Variants in PSTPIP2 observed in about 807,000 individuals in gnomAD.
PSTPIP2 encodes proline-serine-threonine phosphatase-interacting protein 2.
Under a neutral mutation model 63.3 loss-of-function variants are expected in PSTPIP2, and 33 were observed. The observed-to-expected ratio is 0.52, with a 90% CI of 0.40 to 0.70. PSTPIP2 has a LOEUF of 0.70. Among genes scored for constraint, PSTPIP2 ranks in the 30% least tolerant of loss-of-function variants. The probability of loss-of-function intolerance (pLI) is 0.00; values close to 1 mark genes in which losing one functional copy is unlikely to be tolerated. For missense variants in PSTPIP2, 312 were observed against 400.7 expected, an observed-to-expected ratio of 0.78 and a Z score of 1.89; for synonymous variants, 125 against 132.7, an observed-to-expected ratio of 0.94 and a Z score of 0.40.
intron 1 of PSTPIP2, among the ~76,000 whole-genome samples, chr18:46,052,957 A>G (rs967591030): frequency 2.0e-5 from 3 of 152,224 alleles, no homozygotes; most frequent in Non-Finnish European, 4.4e-5. Flanking sequence ...TACAAATGAA[A>G]AAACAAACAA....
intron 1 of PSTPIP2, among the ~76,000 whole-genome samples, chr18:46,050,369 C>T (rs1049422752): frequency 5.9e-5 from 9 of 151,884 alleles, no homozygotes; most frequent in Non-Finnish European, 1.0e-4. Context: ...CAGGAGTTCG[C>T]GACAAGCCTA....
At chr18:45,991,829 T>C (rs2051536864) in intron 12 of PSTPIP2, 73 bp downstream of exon 12, 3 of 1,380,956 alleles carry the variant, frequency 2.2e-6, no homozygotes, top group Non-Finnish European at 3.0e-6. Flanking sequence ...AATTCTAACA[T>C]GTCTTAGAAC....
chr18:45,986,727 G>A (rs1222378731), intron 14 of PSTPIP2, among the ~76,000 whole-genome samples: 2 of 152,144 alleles, frequency 1.3e-5, no homozygotes, highest in African/African-American at 2.4e-5. Flanking sequence ...AAAGAACAGG[G>A]TACTTTATGT....
rs1192259757 is a variant in PSTPIP2, at chr18:46,064,472, TTTTTTTA to T, written c.33+7677_33+7683del. Among the ~76,000 whole-genome samples, 3 of 145,708 alleles carry T rather than the reference TTTTTTTA, an allele frequency of 2.1e-5. No homozygotes were observed. In the Admixed American group the frequency reaches 2.1e-4, roughly 10 times the overall value. ...CACCTGGCTAATTTTTTTTTTTTTT[TTTTTTTA>T]AGTAAAGACGGGGTTTCACCATGTT... On this transcript the variant is annotated intron_variant, in intron 1 of 14. Coordinates refer to ENST00000409746, the MANE Select transcript of PSTPIP2 (RefSeq NM_024430.4).
intron 3 of PSTPIP2, among the ~76,000 whole-genome samples, chr18:46,016,989 T>C (rs2051858948): frequency 6.6e-6 from 1 of 152,336 alleles, no homozygotes; most frequent in East Asian, 1.9e-4. Flanking sequence ...ATATGTGCCA[T>C]ATTCTTTGCT....
chr18:46,008,975 C>T (rs2051762412), intron 5 of PSTPIP2, among the ~76,000 whole-genome samples: 1 of 152,118 alleles, frequency 6.6e-6, no homozygotes, highest in Non-Finnish European at 1.5e-5. Flanking sequence ...TCCCAAGCCT[C>T]CAGATGACAT....
chr18:46,045,525 G>A (rs1416190500), intron 1 of PSTPIP2, among the ~76,000 whole-genome samples: 4 of 152,080 alleles, frequency 2.6e-5, no homozygotes, highest in Admixed American at 1.3e-4. Flanking sequence ...GTAGGGGGAG[G>A]GGGAAGGGAT....
chr18:46,001,761 G>A (rs1837213), intron 6 of PSTPIP2, among the ~76,000 whole-genome samples: 16,876 of 151,336 alleles, frequency 0.11, 1,219 homozygotes, highest in East Asian at 0.38. Flanking sequence ...AAAAATTTTT[G>A]TGGGTACATA....
chr18:46,028,376 A>G lies in PSTPIP2; in HGVS notation c.135-3690T>C, dbSNP rs1249850892. The G allele has an allele frequency of 1.2e-5, 6 of 497,790 alleles. No homozygotes were observed. In the Admixed American group the frequency reaches 1.3e-4, roughly 11 times the overall value. The allele number at this position is 497,790 out of a possible 1,614,324, so 30.8% of individuals were successfully genotyped here. A position where few individuals can be genotyped will look rare whatever the true frequency, so the allele number is the denominator to read the frequency against. The stretch of plus-strand genomic sequence containing the variant: ...AAGGCTGCCGCTTCATCCCAGCGAA[A>G]ACCGCCGGCCAGGCCAAGCGCGGCG... On this transcript the variant is annotated intron_variant, in intron 2 of 14. Coordinates refer to ENST00000409746, the MANE Select transcript of PSTPIP2 (RefSeq NM_024430.4).
chr18:46,007,375 G>A (rs1352100522), intron 5 of PSTPIP2, among the ~76,000 whole-genome samples: 1 of 152,194 alleles, frequency 6.6e-6, no homozygotes, highest in Non-Finnish European at 1.5e-5. Context: ...CTGGCCATTC[G>A]CCTGCTAATG....
chr18:46,058,270 G>C (rs1908845316), intron 1 of PSTPIP2, among the ~76,000 whole-genome samples: 1 of 152,088 alleles, frequency 6.6e-6, no homozygotes, highest in South Asian at 2.1e-4. Context: ...GAAGGCTAAG[G>C]GAGGGATTTT....
intron 2 of PSTPIP2, among the ~76,000 whole-genome samples, chr18:46,038,413 G>A (rs1222668388): frequency 3.9e-5 from 6 of 152,152 alleles, no homozygotes; most frequent in African/African-American, 2.4e-5. Flanking sequence ...GGGGTCCTGA[G>A]CCGACAGACA....
chr18:45,990,666 G>A, intron 13 of PSTPIP2, 56 bp downstream of exon 13: 1 of 1,472,096 alleles, frequency 6.8e-7, no homozygotes, highest in Non-Finnish European at 9.4e-7. Flanking sequence ...CTGACCTCAA[G>A]TGATCTGCCT....
At chr18:46,040,079 G>T in intron 1 of PSTPIP2, 32 bp from the exon 2 acceptor site, 1 of 1,513,616 alleles carries the variant, frequency 6.6e-7, no homozygotes. Context: ...ATCAGACCAG[G>T]AACAGAAGGC....
rs774382889 is a variant in PSTPIP2 at position 45,984,745 on chromosome 18, A to C, written c.*714T>G. On this transcript the variant is annotated 3_prime_UTR_variant, in exon 15 of 15. Coordinates refer to ENST00000409746, the MANE Select transcript of PSTPIP2 (RefSeq NM_024430.4). ...TACACAGGGATCCACATAAAAATAA[A>C]TCTGACATTTAAACCCTGGTGATTC... 1 of 152,220 alleles carries C rather than the reference A, an allele frequency of 6.6e-6. No homozygotes were observed. Among genetic ancestry groups the C allele is most frequent in the Non-Finnish European group, 1.5e-5 (1 of 68,060 alleles). The allele number at this position is 152,220 out of a possible 1,614,324, so 9.4% of individuals were successfully genotyped here.
At chr18:46,069,991 A>G (rs1332381432) in intron 1 of PSTPIP2, among the ~76,000 whole-genome samples, 1 of 152,206 alleles carries the variant, frequency 6.6e-6, no homozygotes, top group South Asian at 2.1e-4. Context: ...TGTGTCAGGC[A>G]CTGTACTAAA....
intron 13 of PSTPIP2, among the ~76,000 whole-genome samples, chr18:45,989,277 TG>T (rs1357199072): frequency 6.6e-6 from 1 of 152,152 alleles, no homozygotes; most frequent in African/African-American, 2.4e-5. Context: ...AAGGACCTAG[TG>T]GGAGATAATT....
At chr18:46,000,099 A>C (rs1229611064) in intron 6 of PSTPIP2, among the ~76,000 whole-genome samples, 1 of 152,194 alleles carries the variant, frequency 6.6e-6, no homozygotes, top group African/African-American at 2.4e-5. Flanking sequence ...TGATCATGCC[A>C]CTGCACTCCA....
chr18:46,039,259 T>C lies in PSTPIP2; in HGVS notation c.134+688A>G, dbSNP rs993857572. ...AAGTTTTGTTTTTTTAAAAATCTTATCCATTTTTAAACAGAAGAAAAGAAA... is the reference window on the plus strand; with the variant it reads ...AAGTTTTGTTTTTTTAAAAATCTTACCCATTTTTAAACAGAAGAAAAGAAA... On this transcript the variant is annotated intron_variant, in intron 2 of 14. Transcript: ENST00000409746. Among the ~76,000 whole-genome samples, 8 of 152,118 alleles carry C rather than the reference T, an allele frequency of 5.3e-5. No homozygotes were observed. In the South Asian group the frequency reaches 1.5e-3, roughly 28 times the overall value.
Sources: gnomAD v4.1 joint callset for allele counts (sites outside exome capture counted in the v4.1 genomes callset) on GRCh38, gnomAD v4.1.1 for gene constraint, MANE v1.5 for transcripts, NCBI Gene and HGNC (gene_info 2026-07-23, HGNC 2026-07-21) for gene names.